TMEM132C: variants seen among roughly 807,000 people sequenced by gnomAD.
TMEM132C encodes transmembrane protein 132C, also known as protein phosphatase 1, regulatory subunit 152.
TMEM132C carries 29 observed loss-of-function variants against 61.4 expected under a neutral mutation model. The observed-to-expected ratio is 0.47, with a 90% CI of 0.35 to 0.64. TMEM132C has a LOEUF of 0.64. Among genes scored for constraint, TMEM132C ranks in the 30% least tolerant of loss-of-function variants. The pLI is 0.00. For synonymous variants in TMEM132C, 656 were observed against 633.1 expected, an observed-to-expected ratio of 1.04 and a Z score of -0.54; for missense variants, 1,408 against 1,476.9, an observed-to-expected ratio of 0.95 and a Z score of 0.76.
chr12:128,462,854 G>C (rs957890616), intron 2 of TMEM132C, among the ~76,000 whole-genome samples: 1 of 152,132 alleles, frequency 6.6e-6, no homozygotes, highest in African/African-American at 2.4e-5. Context: ...AATGCTTTTG[G>C]CTGCAAGTAC....
At chr12:128,435,818 A>G (rs1869569425) in intron 2 of TMEM132C, among the ~76,000 whole-genome samples, 1 of 152,196 alleles carries the variant, frequency 6.6e-6, no homozygotes, top group African/African-American at 2.4e-5. Context: ...ATATGGAACC[A>G]AAAAAGAGCC....
chr12:128,670,786 G>A (rs1954524765), intron 5 of TMEM132C, among the ~76,000 whole-genome samples: 1 of 152,130 alleles, frequency 6.6e-6, no homozygotes, highest in African/African-American at 2.4e-5. Context: ...GCCTATTCTA[G>A]AAGAGCAGCC....
chr12:128,572,685 CTGAT>C (rs1565977857), intron 3 of TMEM132C, among the ~76,000 whole-genome samples: 1 of 151,762 alleles, frequency 6.6e-6, no homozygotes, highest in South Asian at 2.1e-4. Context: ...CTGCTGGCCT[CTGAT>C]TGGCCAGACC....
intron 2 of TMEM132C, among the ~76,000 whole-genome samples, chr12:128,452,128 C>A (rs1291390083): frequency 6.6e-6 from 1 of 152,096 alleles, no homozygotes; most frequent in Non-Finnish European, 1.5e-5. Context: ...CTCTCTCACT[C>A]TGTCACCCAG....
At chr12:128,455,279 G>C (rs980814169) in intron 2 of TMEM132C, among the ~76,000 whole-genome samples, 8 of 152,214 alleles carry the variant, frequency 5.3e-5, no homozygotes, top group Non-Finnish European at 8.8e-5. Flanking sequence ...GACTGGGTCT[G>C]CCAACTGAAT....
intron 3 of TMEM132C, among the ~76,000 whole-genome samples, chr12:128,614,752 A>G (rs1025530347): frequency 6.6e-6 from 1 of 152,252 alleles, no homozygotes; most frequent in Non-Finnish European, 1.5e-5. Context: ...CCTTTAGCTA[A>G]GTAGCCCCTC....
At chr12:128,321,856 A>G (rs1872344390) in intron 1 of TMEM132C, among the ~76,000 whole-genome samples, 1 of 152,164 alleles carries the variant, frequency 6.6e-6, no homozygotes, top group South Asian at 2.1e-4. Context: ...CTCGGAGATC[A>G]CCTCTTTGGC....
chr12:128,542,480 A>G (rs929077441), intron 2 of TMEM132C, among the ~76,000 whole-genome samples: 6 of 151,902 alleles, frequency 3.9e-5, no homozygotes, highest in Non-Finnish European at 7.4e-5. Context: ...TAAGTTTTGT[A>G]TTTTTCGTAG....
chr12:128,325,943 C>CATGT (rs1164527633), intron 1 of TMEM132C, among the ~76,000 whole-genome samples: 3 of 152,024 alleles, frequency 2.0e-5, no homozygotes, highest in Non-Finnish European at 4.4e-5. Flanking sequence ...GGTCTGCAGC[C>CATGT]CCACAGTGAG....
intron 2 of TMEM132C, among the ~76,000 whole-genome samples, chr12:128,532,640 C>CAAAAA (rs61283555): frequency 5.4e-4 from 36 of 67,156 alleles, no homozygotes; most frequent in African/African-American, 6.6e-4. Context: ...GACTCCATCT[C>CAAAAA]AAAAAAAAAA....
At chr12:128,383,798 A>G (rs896797715) in intron 1 of TMEM132C, among the ~76,000 whole-genome samples, 3 of 152,210 alleles carry the variant, frequency 2.0e-5, no homozygotes, top group Admixed American at 1.3e-4. Context: ...CATTTTGCTT[A>G]CTTAACGGCT....
chr12:128,325,822 C>A (rs746790234), intron 1 of TMEM132C, among the ~76,000 whole-genome samples: 8 of 152,150 alleles, frequency 5.3e-5, no homozygotes, highest in African/African-American at 7.2e-5. Flanking sequence ...GGCTGTCAGG[C>A]TGCCCTCCCA....
chr12:128,270,495 C>T (rs575964931), intron 1 of TMEM132C, among the ~76,000 whole-genome samples: 1 of 152,256 alleles, frequency 6.6e-6, no homozygotes, highest in South Asian at 2.1e-4. Flanking sequence ...TAAATACAAC[C>T]AACCAGCCAA....
At chr12:128,308,836 G>A (rs1444725443) in intron 1 of TMEM132C, among the ~76,000 whole-genome samples, 1 of 152,204 alleles carries the variant, frequency 6.6e-6, no homozygotes, top group East Asian at 1.9e-4. Context: ...ACCTGGTGCT[G>A]AGGCTCTTCT....
intron 3 of TMEM132C, among the ~76,000 whole-genome samples, chr12:128,605,132 T>C (rs1257249816): frequency 4.0e-5 from 6 of 148,594 alleles, no homozygotes; most frequent in Admixed American, 6.7e-5. Flanking sequence ...GATAGATAGA[T>C]AGATACATAG....
At chr12:128,483,705 G>C (rs1041192362) in intron 2 of TMEM132C, among the ~76,000 whole-genome samples, 1 of 152,162 alleles carries the variant, frequency 6.6e-6, no homozygotes, top group East Asian at 1.9e-4. Context: ...GCTCTTCAGA[G>C]CCCCGTGGGA....
intron 2 of TMEM132C, among the ~76,000 whole-genome samples, chr12:128,519,360 GGACT>G (rs1872823224): frequency 6.6e-6 from 1 of 152,194 alleles, no homozygotes; most frequent in African/African-American, 2.4e-5. Context: ...GTGTAAACTA[GGACT>G]GTCCTGAATG....
rs369342631 is a variant in TMEM132C at position 128,647,026 on chromosome 12, C to T, written c.1306-22391C>T. On this transcript the variant is annotated intron_variant, in intron 4 of 8. Transcript: ENST00000435159. ...GAGTGTGTTTACTGGAGTCCATCAG[C>T]GTTGGATGTGAGTGTGTTTACTGGA... Among the ~76,000 whole-genome samples, 5 of 150,376 alleles carry T rather than the reference C, an allele frequency of 3.3e-5. No homozygotes were observed. The East Asian group carries it at 6.0e-4, about 18-fold the overall frequency.
At chr12:128,618,829 T>C (rs1341244600) in intron 4 of TMEM132C, among the ~76,000 whole-genome samples, 1 of 152,198 alleles carries the variant, frequency 6.6e-6, no homozygotes, top group African/African-American at 2.4e-5. Flanking sequence ...CAGGTATGTC[T>C]TTATCAGCAG....
Sources: gnomAD v4.1 joint callset for allele counts (sites outside exome capture counted in the v4.1 genomes callset) on GRCh38, gnomAD v4.1.1 for gene constraint, MANE v1.5 for transcripts, NCBI Gene and HGNC (gene_info 2026-07-23, HGNC 2026-07-21) for gene names.